The following TENM4 variants were observed in gnomAD, a reference collection of about 807,000 sequenced individuals.
The protein encoded by TENM4 is teneurin-4.
Under a neutral mutation model 243.3 loss-of-function variants are expected in TENM4, and 82 were observed. The ratio of observed to expected loss-of-function variants is 0.34; its 90% CI spans 0.28 to 0.40. The LOEUF is 0.40. TENM4 is among the 10% of genes least tolerant of loss of function. TENM4 has a pLI of 1.00. For synonymous variants in TENM4, 1,412 were observed against 1,456.3 expected, an observed-to-expected ratio of 0.97 and a Z score of 0.69; for missense variants, 3,138 against 3,673.3, an observed-to-expected ratio of 0.85 and a Z score of 3.77.
intron 1 of TENM4, among the ~76,000 whole-genome samples, chr11:79,306,586 C>T (rs1439270716): frequency 6.6e-6 from 1 of 152,102 alleles, no homozygotes; most frequent in African/African-American, 2.4e-5. Flanking sequence ...TTCCCTAAGG[C>T]AAGAAATGGT....
At chr11:79,262,750 C>G (rs928641738) in intron 2 of TENM4, among the ~76,000 whole-genome samples, 1 of 152,192 alleles carries the variant, frequency 6.6e-6, no homozygotes, top group African/African-American at 2.4e-5. Flanking sequence ...CTTAGGCTGG[C>G]TGTGTGATCC....
chr11:79,255,708 C>T (rs1855690194), intron 2 of TENM4, among the ~76,000 whole-genome samples: 1 of 152,212 alleles, frequency 6.6e-6, no homozygotes, highest in African/African-American at 2.4e-5. Flanking sequence ...AAGAAATCCA[C>T]AGATAATCAA....
At chr11:78,920,668 C>G (rs942780898) in intron 6 of TENM4, among the ~76,000 whole-genome samples, 4 of 152,158 alleles carry the variant, frequency 2.6e-5, no homozygotes, top group African/African-American at 7.2e-5. Flanking sequence ...AAGCAGCCAT[C>G]TGATAGATGT....
At chr11:78,697,925 G>C (rs565135183) in intron 28 of TENM4, among the ~76,000 whole-genome samples, 1 of 152,312 alleles carries the variant, frequency 6.6e-6, no homozygotes, top group South Asian at 2.1e-4. Context: ...CCACACATGG[G>C]AGGTGGGGAC....
At chr11:79,337,063 G>A (rs541929481) in intron 1 of TENM4, among the ~76,000 whole-genome samples, 8 of 152,360 alleles carry the variant, frequency 5.3e-5, no homozygotes, top group African/African-American at 1.4e-4. Flanking sequence ...CCTGATTAAA[G>A]CAACTGGCCT....
chr11:78,683,824 C>G (rs1238672800), intron 29 of TENM4, among the ~76,000 whole-genome samples: 1 of 152,178 alleles, frequency 6.6e-6, no homozygotes, highest in Non-Finnish European at 1.5e-5. Context: ...CTAAATGAAA[C>G]TTACGGTGAA....
chr11:78,921,029 G>C (rs778495089), intron 6 of TENM4, among the ~76,000 whole-genome samples: 1 of 152,160 alleles, frequency 6.6e-6, no homozygotes, highest in African/African-American at 2.4e-5. Flanking sequence ...GAGGAAACTG[G>C]GTCTCAGGGA....
intron 3 of TENM4, among the ~76,000 whole-genome samples, chr11:79,156,742 T>A (rs1181590749): frequency 6.6e-6 from 1 of 152,172 alleles, no homozygotes; most frequent in Admixed American, 6.5e-5. Flanking sequence ...TGCCTACCAG[T>A]CTAAGGTGCT....
intron 1 of TENM4, among the ~76,000 whole-genome samples, chr11:79,406,210 C>A (rs1326204570): frequency 6.6e-6 from 1 of 152,134 alleles, no homozygotes; most frequent in African/African-American, 2.4e-5. Context: ...TCTGCCACAC[C>A]CCCAGCCTAT....
At chr11:79,341,218 C>T (rs1045148835) in intron 1 of TENM4, among the ~76,000 whole-genome samples, 1 of 152,152 alleles carries the variant, frequency 6.6e-6, no homozygotes, top group African/African-American at 2.4e-5. Context: ...GAGAATAAAC[C>T]TGTGTAGTTA....
intron 32 of TENM4, among the ~76,000 whole-genome samples, chr11:78,666,755 A>G (rs1020247691): frequency 7.2e-5 from 11 of 152,136 alleles, no homozygotes; most frequent in African/African-American, 2.7e-4. Context: ...TGACATTTGG[A>G]GTCTCATCTG....
chr11:79,182,277 A>G (rs191572406), intron 3 of TENM4, among the ~76,000 whole-genome samples: 8 of 152,322 alleles, frequency 5.3e-5, no homozygotes, highest in African/African-American at 1.9e-4. Context: ...AGAACCCAGA[A>G]ATAAATCTAC....
intron 6 of TENM4, among the ~76,000 whole-genome samples, chr11:79,056,313 T>G (rs1001396312): frequency 3.3e-4 from 50 of 152,224 alleles, no homozygotes; most frequent in African/African-American, 1.2e-3. Flanking sequence ...TTACCATGGC[T>G]CTGAGCCTTC....
intron 19 of TENM4, among the ~76,000 whole-genome samples, chr11:78,742,301 T>C (rs1263102062): frequency 1.3e-5 from 2 of 152,104 alleles, no homozygotes; most frequent in African/African-American, 4.8e-5. Context: ...AGAAATGAAT[T>C]CACTTGGCTG....
intron 14 of TENM4, among the ~76,000 whole-genome samples, chr11:78,810,425 G>A (rs1362589081): frequency 1.3e-5 from 2 of 152,156 alleles, no homozygotes; most frequent in African/African-American, 4.8e-5. Context: ...CACACAACAT[G>A]GGTGGGATTG....
chr11:78,880,450 T>C (rs1310424157), intron 9 of TENM4, among the ~76,000 whole-genome samples: 2 of 43,106 alleles, frequency 4.6e-5, no homozygotes, highest in Non-Finnish European at 7.2e-5. Context: ...GAATGATCAA[T>C]AAATACTAAA....
intron 33 of TENM4, among the ~76,000 whole-genome samples, chr11:78,659,397 C>A (rs1247157846): frequency 6.6e-6 from 1 of 152,096 alleles, no homozygotes; most frequent in Non-Finnish European, 1.5e-5. Context: ...ACCTGCAAGC[C>A]CAGGTCTGTC....
rs377475200 is a variant in TENM4 at position 78,763,406 on chromosome 11, C to A, written c.2540-6385G>T. Among the ~76,000 whole-genome samples, 949 of 152,322 alleles carry A rather than the reference C, an allele frequency of 6.2e-3. 5 individuals carry two copies. The highest frequency in any genetic ancestry group is 0.017 in the Middle Eastern group (5 of 294). The stretch of plus-strand genomic sequence containing the variant: ...GGGGGAAAAAAAGAAGGGGGGCCAG[C>A]ATCTGGGGGCACTCAATGAAACAAT... On this transcript the variant is annotated intron_variant, in intron 18 of 33. Transcript: ENST00000278550.
chr11:78,817,677 T>C (rs140063073), intron 12 of TENM4, among the ~76,000 whole-genome samples: 18 of 152,374 alleles, frequency 1.2e-4, no homozygotes, highest in Middle Eastern at 3.4e-3. Flanking sequence ...ATTTCCACTT[T>C]AAGCTACTGG....
Sources: gnomAD v4.1 joint callset for allele counts (sites outside exome capture counted in the v4.1 genomes callset) on GRCh38, gnomAD v4.1.1 for gene constraint, MANE v1.5 for transcripts, NCBI Gene and HGNC (gene_info 2026-07-23, HGNC 2026-07-21) for gene names.